MAGI2: variants seen among roughly 807,000 people sequenced by gnomAD.
MAGI2 encodes the protein membrane-associated guanylate kinase, WW and PDZ domain-containing protein 2.
In MAGI2, 35 loss-of-function variants were observed where a neutral mutation model predicts 133.3. That is an observed-to-expected ratio of 0.26 (90% CI 0.20 to 0.35). The LOEUF (loss-of-function observed/expected upper bound fraction) is 0.35, where lower values mean the gene tolerates loss of function less well. Among genes scored for constraint, MAGI2 ranks in the 10% least tolerant of loss-of-function variants. MAGI2 has a pLI of 1.00. For missense variants in MAGI2, 1,636 were observed against 1,863.4 expected (o/e 0.88, Z 2.25); for synonymous variants, 729 against 710.6 (o/e 1.03, Z -0.41).
chr7:78,632,040 G>A (rs1409335224), intron 2 of MAGI2, among the ~76,000 whole-genome samples: 1 of 152,076 alleles, frequency 6.6e-6, no homozygotes, highest in African/African-American at 2.4e-5. Flanking sequence ...TACTCAACAA[G>A]GATTATTGTA....
At chr7:78,335,200 G>C (rs576489893) in intron 9 of MAGI2, among the ~76,000 whole-genome samples, 1 of 152,208 alleles carries the variant, frequency 6.6e-6, no homozygotes, top group South Asian at 2.1e-4. Flanking sequence ...TGGCTGGGAG[G>C]GCAGCATGGA....
chr7:78,575,562 CA>C (rs1406200540), intron 3 of MAGI2, among the ~76,000 whole-genome samples: 1 of 152,088 alleles, frequency 6.6e-6, no homozygotes, highest in Non-Finnish European at 1.5e-5. Context: ...AAAGAAACCC[CA>C]CAAGCATCAC....
At chr7:78,858,232 T>C (rs1156588581) in intron 2 of MAGI2, among the ~76,000 whole-genome samples, 1 of 152,108 alleles carries the variant, frequency 6.6e-6, no homozygotes, top group Non-Finnish European at 1.5e-5. Flanking sequence ...TTTGAAGGGT[T>C]TTTTTGTGTC....
intron 10 of MAGI2, among the ~76,000 whole-genome samples, chr7:78,207,803 C>A (rs959730188): frequency 6.6e-6 from 1 of 152,206 alleles, no homozygotes; most frequent in African/African-American, 2.4e-5. Context: ...GTTAGCCAAG[C>A]AATACGTTCA....
At chr7:78,799,713 T>G (rs1787906763) in intron 2 of MAGI2, among the ~76,000 whole-genome samples, 1 of 152,202 alleles carries the variant, frequency 6.6e-6, no homozygotes, top group African/African-American at 2.4e-5. Context: ...TAAGTCTTAA[T>G]TCCTCAGAAG....
At chr7:78,825,974 G>C (rs1347803892) in intron 2 of MAGI2, among the ~76,000 whole-genome samples, 1 of 152,132 alleles carries the variant, frequency 6.6e-6, no homozygotes, top group Non-Finnish European at 1.5e-5. Context: ...TGGATAAACA[G>C]AGGTACAACC....
chr7:78,224,749 A>G (rs1789194960), intron 10 of MAGI2, among the ~76,000 whole-genome samples: 1 of 147,670 alleles, frequency 6.8e-6, no homozygotes, highest in Non-Finnish European at 1.5e-5. Flanking sequence ...GAGGAAGTGT[A>G]TCAGGTAAAT....
chr7:78,741,141 T>C (rs1822380567), intron 2 of MAGI2, among the ~76,000 whole-genome samples: 1 of 152,014 alleles, frequency 6.6e-6, no homozygotes, highest in Non-Finnish European at 1.5e-5. Flanking sequence ...CATTGACAAA[T>C]TTCTCACAAG....
At chr7:78,260,125 A>T (rs1793376134) in intron 9 of MAGI2, among the ~76,000 whole-genome samples, 1 of 152,138 alleles carries the variant, frequency 6.6e-6, no homozygotes, top group South Asian at 2.1e-4. Context: ...TGCCCACTTT[A>T]AAAAAATATA....
chr7:78,206,564 T>G (rs1787128613), intron 10 of MAGI2, among the ~76,000 whole-genome samples: 1 of 152,178 alleles, frequency 6.6e-6, no homozygotes, highest in South Asian at 2.1e-4. Flanking sequence ...GTGGTGGAAT[T>G]ACAGGCGTGA....
At chr7:78,435,310 A>C (rs1800176433) in intron 6 of MAGI2, among the ~76,000 whole-genome samples, 1 of 152,086 alleles carries the variant, frequency 6.6e-6, no homozygotes, top group Non-Finnish European at 1.5e-5. Flanking sequence ...GCTCTCCCCC[A>C]CACCTTGAAA....
chr7:78,646,256 C>T (rs1810881856), intron 2 of MAGI2, among the ~76,000 whole-genome samples: 1 of 152,004 alleles, frequency 6.6e-6, no homozygotes, highest in African/African-American at 2.4e-5. Context: ...GTGGAATACA[C>T]TCAGTTGTTA....
chr7:78,990,364 T>A (rs899645431), intron 2 of MAGI2, among the ~76,000 whole-genome samples: 2 of 152,102 alleles, frequency 1.3e-5, no homozygotes, highest in Non-Finnish European at 2.9e-5. Flanking sequence ...TAATCAAGTT[T>A]AAGACCCTCT....
intron 2 of MAGI2, among the ~76,000 whole-genome samples, chr7:78,711,052 A>G (rs1216280713): frequency 6.6e-6 from 1 of 152,180 alleles, no homozygotes; most frequent in Non-Finnish European, 1.5e-5. Context: ...TGATCACAAC[A>G]TCACTTGTAA....
chr7:78,517,681 G>C (rs547303476), intron 4 of MAGI2, among the ~76,000 whole-genome samples: 24 of 152,166 alleles, frequency 1.6e-4, no homozygotes, highest in Admixed American at 4.6e-4. Flanking sequence ...TCTAAGGATA[G>C]AATTGTATTG....
chr7:78,963,611 G>A (rs537036825), intron 2 of MAGI2, among the ~76,000 whole-genome samples: 4 of 151,916 alleles, frequency 2.6e-5, no homozygotes, highest in Non-Finnish European at 5.9e-5. Flanking sequence ...AGGGAAGCTG[G>A]CATGTGAAGT....
At chr7:78,375,529 C>T (rs1205096654) in intron 6 of MAGI2, among the ~76,000 whole-genome samples, 3 of 151,988 alleles carry the variant, frequency 2.0e-5, no homozygotes, top group African/African-American at 7.2e-5. Context: ...AAACCAAAAA[C>T]CAGAAACCAT....
At chr7:79,151,304 T>A (rs1461807305) in intron 1 of MAGI2, among the ~76,000 whole-genome samples, 2 of 152,192 alleles carry the variant, frequency 1.3e-5, no homozygotes, top group African/African-American at 4.8e-5. Flanking sequence ...TACAAAAAAA[T>A]TAGTATTTAA....
chr7:78,297,936 GTAAC>G (rs1312563464), intron 9 of MAGI2, among the ~76,000 whole-genome samples: 10 of 148,784 alleles, frequency 6.7e-5, no homozygotes, highest in South Asian at 6.4e-4. Context: ...GTATACATAT[GTAAC>G]TAACCTGCAC....
Sources: allele counts gnomAD v4.1 joint callset (sites outside exome capture counted in the v4.1 genomes callset), GRCh38; gene constraint gnomAD v4.1.1; transcripts MANE v1.5; gene names NCBI Gene and HGNC (gene_info 2026-07-23, HGNC 2026-07-21).